HMCN2: variants seen among roughly 807,000 people sequenced by gnomAD.
HMCN2 encodes hemicentin-2.
HMCN2 carries 325 observed loss-of-function variants against 377.5 expected under a neutral mutation model. That is an observed-to-expected ratio of 0.86 (90% CI 0.79 to 0.94). HMCN2 has a LOEUF of 0.94. HMCN2 is among the 40% of genes least tolerant of loss of function. The pLI is 0.00. For missense variants in HMCN2, 4,543 were observed against 4,725.3 expected (o/e 0.96, Z 1.13); for synonymous variants, 2,007 against 2,046.8 (o/e 0.98, Z 0.53).
At position 130,400,936 on chromosome 9, in the gene HMCN2, T is replaced by C; in HGVS notation, c.11759T>C (p.Val3920Ala). The C allele has an allele frequency of 1.6e-6, 2 of 1,287,470 alleles. No individual in the cohort carries two copies. The highest frequency in any genetic ancestry group is 2.0e-6 in the Non-Finnish European group (2 of 987,890). The allele number at this position is 1,287,470 out of a possible 1,614,324, so 79.8% of individuals were successfully genotyped here. Reference protein sequence around the residue: ...QLGARGSGYRVSPSGALEIGQ... With the variant: ...QLGARGSGYRASPSGALEIGQ... ...GGAGCTCGGGGGAGTGGCTATCGTG[T>C]CTCACCATCGGGTAAGTAAGGGTAA... is the stretch of plus-strand genomic sequence containing the variant. The change falls in exon 77 of 98, where the codon GTC becomes GCC. Residue 3920 changes from valine to alanine, a missense_variant. Coordinates refer to ENST00000683500, the MANE Select transcript of HMCN2 (RefSeq NM_001291815.2).
chr9:130,279,775 C>T (rs545001449), intron 1 of HMCN2, among the ~76,000 whole-genome samples: 9 of 152,334 alleles, frequency 5.9e-5, no homozygotes, highest in African/African-American at 2.2e-4. Context: ...CAAAGATGTG[C>T]CTGTCCTAAT....
chr9:130,334,417 TA>T (rs1838594470), intron 22 of HMCN2, among the ~76,000 whole-genome samples: 1 of 152,144 alleles, frequency 6.6e-6, no homozygotes, highest in South Asian at 2.1e-4. Context: ...TGTCCATCTG[TA>T]AAATGGATTC....
intron 1 of HMCN2, among the ~76,000 whole-genome samples, chr9:130,270,071 A>G (rs1193968584): frequency 3.4e-5 from 5 of 147,914 alleles, no homozygotes; most frequent in Non-Finnish European, 7.6e-5. Flanking sequence ...TCAGCCTCCC[A>G]AAATGCTGGG....
chr9:130,348,568 G>C lies in HMCN2; in HGVS notation c.4048G>C (p.Gly1350Arg), dbSNP rs773254708. Residue 1350 changes from glycine to arginine, a missense_variant, in exon 27 of 98, where the codon GGG becomes CGG. Gly to Arg is a moderately radical substitution (Grantham distance 125). Around this residue, in one of 5 missense-constraint regions of HMCN2, gnomAD observed 547 missense variants for 189.9 expected, o/e 2.88. Coordinates refer to ENST00000683500, the MANE Select transcript of HMCN2 (RefSeq NM_001291815.2). Reference protein sequence around the residue: ...VYVPPSIREDGRKANVSGMAG... With the variant: ...VYVPPSIREDRRKANVSGMAG... ...AGTGCCCCCCAGCATCCGGGAGGACGGGCGCAAGGCCAACGTGTCGGGTAT... is the reference window on the plus strand; with the variant it reads ...AGTGCCCCCCAGCATCCGGGAGGACCGGCGCAAGGCCAACGTGTCGGGTAT... 5.4e-6 allele frequency: 7 copies of C among 1,304,174 alleles called. 1 individual carries two copies. The highest frequency in any genetic ancestry group is 4.3e-4 in the Middle Eastern group (2 of 4,694). 80.8% of individuals were successfully genotyped at this position (1,304,174 alleles called of 1,614,324 possible).
Position 130,304,859 on chromosome 9 carries a change from C to T in HMCN2, c.1673C>T (p.Pro558Leu), listed in dbSNP as rs891142654. The T allele has an allele frequency of 1.7e-5, 8 of 470,974 alleles. No homozygotes were observed. Among genetic ancestry groups the T allele is most frequent in the South Asian group, 6.2e-5 (4 of 64,566 alleles). The allele number at this position is 470,974 out of a possible 1,614,324, so 29.2% of individuals were successfully genotyped here. Reference sequence around the variant, plus strand: ...TGGGTCCGGGACTGGCGAGTCCTGCCGGCCTCGACGGGCCGAGTTGCCCAG... The same window carrying T: ...TGGGTCCGGGACTGGCGAGTCCTGCTGGCCTCGACGGGCCGAGTTGCCCAG... ...LTWVRDWRVL[P>L]ASTGRVAQLA... Residue 558 changes from proline (P) to leucine (L), a missense_variant, in exon 11 of 98, where the codon CCG (proline) becomes CTG (leucine). By Grantham distance (98) the Pro-to-Leu change is moderately conservative. This residue lies in a region of HMCN2 where 547 missense variants were observed against 189.9 expected (regional missense o/e 2.88). Transcript: ENST00000683500. The surrounding 1 kb of genome is among the most constrained non-coding windows in gnomAD (Gnocchi z 4.3).
chr9:130,407,726 G>T, intron 83 of HMCN2, 21 bp downstream of exon 83: 3 of 1,188,500 alleles, frequency 2.5e-6, no homozygotes, highest in Non-Finnish European at 3.2e-6. Context: ...TTCCCCAGGT[G>T]GCTTCTCTCT....
intron 22 of HMCN2, among the ~76,000 whole-genome samples, chr9:130,333,225 G>A (rs879136161): frequency 0.23 from 34,564 of 152,156 alleles, 4,041 homozygotes; most frequent in African/African-American, 0.26. Context: ...ATCAGACAGC[G>A]TAATGACAGG....
intron 61 of HMCN2, among the ~76,000 whole-genome samples, chr9:130,387,928 T>C (rs1179025834): frequency 6.6e-6 from 1 of 152,064 alleles, no homozygotes; most frequent in Non-Finnish European, 1.5e-5. Context: ...AAATAAAAAA[T>C]AAAGTAACAA....
intron 15 of HMCN2, among the ~76,000 whole-genome samples, chr9:130,311,349 C>T (rs1837231795): frequency 6.6e-6 from 1 of 152,152 alleles, no homozygotes; most frequent in South Asian, 2.1e-4. Context: ...GTTGTGCTGT[C>T]TCAGGGTTGA....
intron 87 of HMCN2, among the ~76,000 whole-genome samples, chr9:130,424,186 T>C (rs1350185638): frequency 1.4e-5 from 2 of 141,780 alleles, no homozygotes; most frequent in Non-Finnish European, 3.1e-5. Context: ...TTTTTTTTAA[T>C]TTTTTTTTTT....
chr9:130,306,621 C>T (rs1283632791), intron 12 of HMCN2, among the ~76,000 whole-genome samples, 190 bp from the exon 13 acceptor site: 1 of 146,870 alleles, frequency 6.8e-6, no homozygotes, highest in African/African-American at 2.5e-5. Context: ...GGCTGTGTGA[C>T]CTTGGGCAAG....
Position 130,394,099 on chromosome 9 carries a change from T to A in HMCN2, c.10501+91T>A. ...TGGGAAGGACAGTGAGGGAGGTGAG[T>A]CCCCTGGAGACCTGGGACTGCCACC... On this transcript the variant is annotated intron_variant, in intron 68 of 97. Transcript: ENST00000683500. This position sits in a 1 kb window ranked among gnomAD's most constrained non-coding sequence, Gnocchi z 5.1. 9.1e-7 allele frequency: 1 copy of A among 1,093,284 alleles called. No homozygotes were observed. The highest frequency in any genetic ancestry group is 1.2e-6 in the Non-Finnish European group (1 of 857,472). 67.7% of individuals were successfully genotyped at this position (1,093,284 alleles called of 1,614,324 possible).
In HMCN2 at chr9:130,394,357, G is replaced by A; in HGVS notation, c.10502-28G>A. 1 of 1,272,670 alleles carries A rather than the reference G, an allele frequency of 7.9e-7. No individual in the cohort carries two copies. Among genetic ancestry groups the A allele is most frequent in the Non-Finnish European group, 1.0e-6 (1 of 974,196 alleles). 78.8% of individuals were successfully genotyped at this position (1,272,670 alleles called of 1,614,324 possible). A position where few individuals can be genotyped will look rare whatever the true frequency, so the allele number is the denominator to read the frequency against. On this transcript the variant is annotated intron_variant, in intron 68 of 97. Transcript: ENST00000683500. The surrounding 1 kb of genome is among the most constrained non-coding windows in gnomAD (Gnocchi z 5.1). ...GCTGTCCCGGAAATGTGTGTCAATTGTGTGTTCCCCTCCATGGTGGCTTGC... is the reference window on the plus strand; with the variant it reads ...GCTGTCCCGGAAATGTGTGTCAATTATGTGTTCCCCTCCATGGTGGCTTGC...
At chr9:130,356,991 G>T (rs1840057125) in intron 34 of HMCN2, among the ~76,000 whole-genome samples, 1 of 148,074 alleles carries the variant, frequency 6.8e-6, no homozygotes, top group Non-Finnish European at 1.5e-5. Flanking sequence ...GAAAGGTGGA[G>T]GGATGGGTAG....
intron 25 of HMCN2, among the ~76,000 whole-genome samples, chr9:130,343,091 C>A (rs1839149017): frequency 6.6e-6 from 1 of 152,212 alleles, no homozygotes; most frequent in African/African-American, 2.4e-5. Flanking sequence ...CACGCGTGCA[C>A]AGGGCTGGCA....
chr9:130,368,247 A>G, intron 43 of HMCN2, 29 bp from the exon 44 acceptor site: 1 of 985,318 alleles, frequency 1.0e-6, no homozygotes, highest in Non-Finnish European at 1.2e-6. Context: ...AATGCCCTGG[A>G]CCAGGAGTTT....
In HMCN2 at chr9:130,277,813, AT is replaced by A. The variant is rs1554923737; in HGVS notation, c.260-6789del. 3.9e-4 allele frequency among the ~76,000 whole-genome samples: 27 copies of A among 68,406 alleles called. 4 individuals carry two copies. Among genetic ancestry groups the A allele is most frequent in the Non-Finnish European group, 6.7e-4 (23 of 34,182 alleles). The allele number at this position is 68,406 out of a possible 152,430, so 44.9% of individuals were successfully genotyped here. ...CACCATCATCATCACCACCACCACC[AT>A]CATCATCATCACCACCACCATCATC... On this transcript the variant is annotated intron_variant, in intron 1 of 97. Transcript: ENST00000683500.
chr9:130,398,779 A>G, intron 75 of HMCN2, 72 bp downstream of exon 75: 1 of 766,500 alleles, frequency 1.3e-6, no homozygotes, highest in Non-Finnish European at 1.9e-6. Flanking sequence ...TCACGGGGGC[A>G]TGGGGCAGGG....
Position 130,433,983 on chromosome 9 carries a change from C to T in HMCN2, c.*290C>T, listed in dbSNP as rs955923608. The T allele has an allele frequency of 1.2e-5, 4 of 347,570 alleles. No individual in the cohort carries two copies. Among genetic ancestry groups the T allele is most frequent in the African/African-American group, 4.3e-5 (2 of 46,846 alleles). The allele number at this position is 347,570 out of a possible 1,614,324, so 21.5% of individuals were successfully genotyped here. ...GGTCTGATCCGCCCCTCAGTGGGAG[C>T]GGGACAGGGACACAGGGCACCTGGA... On this transcript the variant is annotated 3_prime_UTR_variant, in exon 98 of 98. Transcript: ENST00000683500.
Sources: gnomAD v4.1 joint callset for allele counts (sites outside exome capture counted in the v4.1 genomes callset) on GRCh38, gnomAD v4.1.1 for gene constraint, gnomAD v4.1.1 regional missense constraint, Gnocchi (gnomAD v3.1) non-coding constraint, MANE v1.5 for transcripts, NCBI Gene and HGNC (gene_info 2026-07-23, HGNC 2026-07-21) for gene names.